The following DOCK1 variants were observed in gnomAD, a reference collection of about 807,000 sequenced individuals.
The protein encoded by DOCK1 is dedicator of cytokinesis 1.
Under a neutral mutation model 262.7 loss-of-function variants are expected in DOCK1, and 138 were observed. The observed-to-expected ratio is 0.53, with a 90% CI of 0.46 to 0.61. The LOEUF (loss-of-function observed/expected upper bound fraction) is 0.61. Among genes scored for constraint, DOCK1 ranks in the 20% least tolerant of loss-of-function variants. DOCK1 has a pLI of 0.00. For missense variants in DOCK1, 1,908 were observed against 2,370.7 expected (o/e 0.80, Z 4.05); for synonymous variants, 866 against 867.4 (o/e 1.00, Z 0.03).
rs1225843523 is a variant in DOCK1, at chr10:127,024,795, A to G, written c.1551+12A>G. On this transcript the variant is annotated intron_variant, in intron 15 of 51. Coordinates refer to ENST00000623213, the MANE Select transcript of DOCK1 (RefSeq NM_001290223.2). ...TTGAGACTGTTAAGGTATTATTTAC[A>G]TGGTCATTTTATCACATGGCGCTGA... 1.9e-6 allele frequency: 3 copies of G among 1,586,380 alleles called. No individual in the cohort carries two copies. The highest frequency in any genetic ancestry group is 2.7e-5 in the African/African-American group (2 of 74,356).
chr10:127,258,681 T>C (rs568162124), intron 29 of DOCK1, among the ~76,000 whole-genome samples: 3 of 152,206 alleles, frequency 2.0e-5, no homozygotes, highest in Non-Finnish European at 4.4e-5. Flanking sequence ...GCTGGCTTGT[T>C]GGGTAATTGC....
intron 27 of DOCK1, among the ~76,000 whole-genome samples, chr10:127,170,347 C>A (rs1168973654): frequency 6.6e-6 from 1 of 152,174 alleles, no homozygotes; most frequent in African/African-American, 2.4e-5. Flanking sequence ...TCCCCCTACC[C>A]CAAGCCTGCA....
chr10:127,449,943 G>C (rs759613963), intron 51 of DOCK1, among the ~76,000 whole-genome samples: 2 of 152,130 alleles, frequency 1.3e-5, no homozygotes, highest in Non-Finnish European at 2.9e-5. Context: ...ACTTGGCATA[G>C]AGGTCATTTG....
At chr10:127,304,835 T>C (rs1188061061) in intron 29 of DOCK1, among the ~76,000 whole-genome samples, 1 of 152,098 alleles carries the variant, frequency 6.6e-6, no homozygotes, top group Non-Finnish European at 1.5e-5. Flanking sequence ...AGAGCCATGA[T>C]CATACCACTG....
At chr10:127,251,830 C>A (rs1350369727) in intron 28 of DOCK1, among the ~76,000 whole-genome samples, 1 of 142,756 alleles carries the variant, frequency 7.0e-6, no homozygotes, top group Non-Finnish European at 1.5e-5. Context: ...TGAATAGTGC[C>A]ACAATAAACA....
chr10:127,367,650 G>A (rs1027800379), intron 33 of DOCK1, among the ~76,000 whole-genome samples: 5 of 152,148 alleles, frequency 3.3e-5, no homozygotes, highest in South Asian at 2.1e-4. Context: ...TGTGCACAGC[G>A]GCCTTGAATT....
chr10:127,407,472 A>G (rs2067583627), intron 40 of DOCK1, among the ~76,000 whole-genome samples: 1 of 152,168 alleles, frequency 6.6e-6, no homozygotes, highest in African/African-American at 2.4e-5. Flanking sequence ...CACCTTGGTG[A>G]TTAGGTTTCA....
intron 9 of DOCK1, among the ~76,000 whole-genome samples, chr10:126,999,812 A>T (rs2040459116): frequency 6.6e-6 from 1 of 152,118 alleles, no homozygotes; most frequent in Non-Finnish European, 1.5e-5. Context: ...AGTAGCTGGG[A>T]TTACAGGCAT....
intron 27 of DOCK1, among the ~76,000 whole-genome samples, chr10:127,144,781 T>G (rs1341454694): frequency 6.6e-6 from 1 of 152,220 alleles, no homozygotes; most frequent in Non-Finnish European, 1.5e-5. Flanking sequence ...TAACTTTGTA[T>G]CCTTCCTTTA....
intron 27 of DOCK1, chr10:127,136,848 A>AGCATAACGAATTGT (rs1156999676): frequency 6.6e-6 from 1 of 152,540 alleles, no homozygotes; most frequent in African/African-American, 2.4e-5. Context: ...ATTAATACAA[A>AGCATAACGAATTGT]GCATAACGAA....
chr10:127,337,855 G>A (rs772663632), intron 29 of DOCK1, among the ~76,000 whole-genome samples: 7 of 152,214 alleles, frequency 4.6e-5, no homozygotes, highest in Admixed American at 2.6e-4. Flanking sequence ...AGAGCGGCAC[G>A]CAGTGTGAGC....
At chr10:126,982,038 T>C in intron 4 of DOCK1, 65 bp downstream of exon 4, 1 of 1,549,994 alleles carries the variant, frequency 6.5e-7, no homozygotes, top group Admixed American at 1.7e-5. Context: ...GCTGCTCTTT[T>C]GTACGATGGC....
intron 28 of DOCK1, among the ~76,000 whole-genome samples, chr10:127,251,536 C>G: frequency 8.9e-6 from 1 of 111,934 alleles, no homozygotes; most frequent in Non-Finnish European, 1.7e-5. Flanking sequence ...CCCCCCTCCC[C>G]CCACCCCACA....
At chr10:127,118,369 A>C (rs549680368) in intron 25 of DOCK1, among the ~76,000 whole-genome samples, 1 of 152,240 alleles carries the variant, frequency 6.6e-6, no homozygotes, top group East Asian at 1.9e-4. Context: ...ACTCATTTGC[A>C]ATTTTTCTCC....
chr10:127,390,086 C>T (rs1217491370), intron 38 of DOCK1, among the ~76,000 whole-genome samples: 1 of 151,984 alleles, frequency 6.6e-6, no homozygotes, highest in African/African-American at 2.4e-5. Context: ...TGCCTTCCGC[C>T]GTGAGTATAA....
At chr10:126,968,533 G>A (rs894561534) in intron 1 of DOCK1, among the ~76,000 whole-genome samples, 7 of 152,184 alleles carry the variant, frequency 4.6e-5, no homozygotes, top group Non-Finnish European at 8.8e-5. Flanking sequence ...TTGGGGAGTA[G>A]GGTATTTAGA....
chr10:127,210,896 G>A (rs7078248), intron 27 of DOCK1, among the ~76,000 whole-genome samples: 49,781 of 152,142 alleles, frequency 0.33, 8,300 homozygotes, highest in East Asian at 0.43. Context: ...GACACGTGGC[G>A]TAATGACTTA....
chr10:127,093,049 G>C (rs992313910), intron 23 of DOCK1, among the ~76,000 whole-genome samples: 1 of 152,076 alleles, frequency 6.6e-6, no homozygotes, highest in Admixed American at 6.5e-5. Flanking sequence ...GGCTCTAGAA[G>C]GCTGTAGGGC....
intron 27 of DOCK1, among the ~76,000 whole-genome samples, chr10:127,140,992 A>G (rs2051187933): frequency 6.6e-6 from 1 of 152,142 alleles, no homozygotes; most frequent in South Asian, 2.1e-4. Flanking sequence ...GCTGCCCGGC[A>G]GACCTGTGGT....
Sources: gnomAD v4.1 joint callset for allele counts (sites outside exome capture counted in the v4.1 genomes callset) on GRCh38, gnomAD v4.1.1 for gene constraint, MANE v1.5 for transcripts, NCBI Gene and HGNC (gene_info 2026-07-23, HGNC 2026-07-21) for gene names.